Variants in SEC14L1 observed in about 807,000 individuals in gnomAD.
The protein encoded by SEC14L1 is SEC14 like lipid binding 1.
In SEC14L1, 48 loss-of-function variants were observed where a neutral mutation model predicts 85.3. The observed-to-expected ratio is 0.56, with a 90% confidence interval of 0.45 to 0.72. The LOEUF is 0.72. Among genes scored for constraint, SEC14L1 ranks in the 30% least tolerant of loss-of-function variants. The pLI, the probability that SEC14L1 is intolerant of heterozygous loss-of-function variation, is 0.00. For synonymous variants in SEC14L1, 391 were observed against 355.5 expected, an observed-to-expected ratio of 1.10 and a Z score of -1.12; for missense variants, 682 against 921.4, an observed-to-expected ratio of 0.74 and a Z score of 3.36.
chr17:77,091,277 G>A (rs571690418), intron 2 of SEC14L1, among the ~76,000 whole-genome samples: 64 of 152,098 alleles, frequency 4.2e-4, no homozygotes, highest in South Asian at 1.5e-3. Context: ...TAGTAGAGAC[G>A]GGGTTTCATC....
intron 3 of SEC14L1, among the ~76,000 whole-genome samples, chr17:77,097,295 G>T (rs970960095): frequency 3.9e-5 from 6 of 152,222 alleles, no homozygotes; most frequent in African/African-American, 1.4e-4. Flanking sequence ...GCCGGGCACG[G>T]TGGCTCACGC....
chr17:77,200,027 G>A (rs909184039), intron 8 of SEC14L1, among the ~76,000 whole-genome samples: 9 of 152,190 alleles, frequency 5.9e-5, no homozygotes, highest in Admixed American at 4.6e-4. Flanking sequence ...TGAGCTGGGC[G>A]TGGTGGCGTG....
At chr17:77,116,069 C>T (rs972415222) in intron 3 of SEC14L1, among the ~76,000 whole-genome samples, 4 of 152,122 alleles carry the variant, frequency 2.6e-5, no homozygotes, top group African/African-American at 9.6e-5. Flanking sequence ...CAGGTGCACA[C>T]CACCAGGTTC....
At chr17:77,128,389 CATTTT>C (rs144559197) in intron 3 of SEC14L1, among the ~76,000 whole-genome samples, 10,819 of 129,254 alleles carry the variant, frequency 0.084, 760 homozygotes, top group East Asian at 0.35. Flanking sequence ...CACACTTGAG[CATTTT>C]ATTTTATTTT....
intron 3 of SEC14L1, among the ~76,000 whole-genome samples, chr17:77,164,968 A>G (rs971139644): frequency 6.6e-6 from 1 of 152,310 alleles, no homozygotes. Flanking sequence ...TTCCAAGTAG[A>G]TCGTGTTTCC....
At position 77,213,741 on chromosome 17, in the gene SEC14L1, C is replaced by T; in HGVS notation, c.2043-177C>T. The T allele has an allele frequency of 1.1e-6, 1 of 901,976 alleles. No homozygotes were observed. The highest frequency in any genetic ancestry group is 1.8e-6 in the Non-Finnish European group (1 of 565,410). 55.9% of individuals were successfully genotyped at this position (901,976 alleles called of 1,614,324 possible). A position where few individuals can be genotyped will look rare whatever the true frequency, so the allele number is the denominator to read the frequency against. ...GCTCACACTGCCGTCTGCGTGCAGGCTGTGGGAAGCCGGTCCCCCTGGTGG... is the reference window on the plus strand; with the variant it reads ...GCTCACACTGCCGTCTGCGTGCAGGTTGTGGGAAGCCGGTCCCCCTGGTGG... On this transcript the variant is annotated intron_variant, in intron 16 of 16. Transcript: ENST00000436233. This position sits in a 1 kb window ranked among gnomAD's most constrained non-coding sequence, Gnocchi z 7.1.
At chr17:77,147,756 C>T (rs1462487084) in intron 3 of SEC14L1, among the ~76,000 whole-genome samples, 1 of 152,188 alleles carries the variant, frequency 6.6e-6, no homozygotes, top group Non-Finnish European at 1.5e-5. Flanking sequence ...GGAAGGCGCA[C>T]CAGGGAACCT....
chr17:77,200,461 G>T, intron 8 of SEC14L1, 23 bp from the exon 9 acceptor site: 1 of 1,604,242 alleles, frequency 6.2e-7, no homozygotes, highest in Non-Finnish European at 8.5e-7. Context: ...ACATTGCTTA[G>T]AAATGTCTTT....
At chr17:77,141,447 G>C (rs929192901) in intron 1 of SEC14L1, 2 of 151,334 alleles carry the variant, frequency 1.3e-5, no homozygotes, top group South Asian at 4.2e-4. Flanking sequence ...CCCGTCGGTC[G>C]GGGCTTTGGC....
chr17:77,179,986 G>A (rs894567019), intron 3 of SEC14L1, among the ~76,000 whole-genome samples: 13 of 149,388 alleles, frequency 8.7e-5, no homozygotes, highest in Non-Finnish European at 1.9e-4. Context: ...CTACGTATTT[G>A]TTTTTAGGTT....
chr17:77,091,236 C>T (rs1045387868), intron 2 of SEC14L1, among the ~76,000 whole-genome samples: 3 of 151,894 alleles, frequency 2.0e-5, no homozygotes, highest in Non-Finnish European at 4.4e-5. Context: ...TACAGGCGCA[C>T]GCCACCATGC....
At chr17:77,191,716 T>A (rs1197261922) in intron 5 of SEC14L1, among the ~76,000 whole-genome samples, 2 of 151,956 alleles carry the variant, frequency 1.3e-5, no homozygotes, top group African/African-American at 4.8e-5. Context: ...CTGATTTTTG[T>A]ATTTTTAGTA....
At chr17:77,131,289 G>A (rs988531074) in intron 3 of SEC14L1, among the ~76,000 whole-genome samples, 1 of 152,020 alleles carries the variant, frequency 6.6e-6, no homozygotes, top group African/African-American at 2.4e-5. Context: ...CTTTTTTTGA[G>A]ATGGAGTTTC....
rs770560032 is a variant in SEC14L1 at position 77,193,578 on chromosome 17, A to AG, written c.474+32dup. The AG allele has an allele frequency of 3.3e-5, 52 of 1,595,316 alleles. No individual in the cohort carries two copies. The African/African-American group carries it at 6.3e-4, about 19-fold the overall frequency. ...AGTGTATCTTGGGATTTTGTGGCAGAGGGTGGGCAGGAGTCTCTGAGATGA... is the reference window on the plus strand; with the variant it reads ...AGTGTATCTTGGGATTTTGTGGCAGAGGGGTGGGCAGGAGTCTCTGAGATGA... On this transcript the variant is annotated intron_variant, in intron 6 of 16. Coordinates refer to ENST00000436233, the MANE Select transcript of SEC14L1 (RefSeq NM_001143998.2).
intron 5 of SEC14L1, among the ~76,000 whole-genome samples, chr17:77,192,500 A>G (rs561227876): frequency 1.1e-4 from 16 of 152,276 alleles, no homozygotes; most frequent in Non-Finnish European, 2.1e-4. Flanking sequence ...GCTGTCATGC[A>G]GTGGGCCTCC....
intron 9 of SEC14L1, among the ~76,000 whole-genome samples, chr17:77,202,941 A>AT (rs1273271648): frequency 2.0e-5 from 3 of 151,310 alleles, no homozygotes; most frequent in Non-Finnish European, 4.4e-5. Flanking sequence ...AAAAATAAAA[A>AT]AAAAAAAAAA....
At chr17:77,159,642 G>A (rs148450112) in intron 3 of SEC14L1, among the ~76,000 whole-genome samples, 3,322 of 152,122 alleles carry the variant, frequency 0.022, 52 homozygotes, top group South Asian at 0.034. Flanking sequence ...GCCTCCCAAA[G>A]TGCTGGGATT....
Position 77,214,993 on chromosome 17 carries a change from A to G in SEC14L1, c.*970A>G. 2 of 985,412 alleles carry G rather than the reference A, an allele frequency of 2.0e-6. No individual in the cohort carries two copies. Among genetic ancestry groups the G allele is most frequent in the Non-Finnish European group, 2.4e-6 (2 of 829,988 alleles). 61.0% of individuals were successfully genotyped at this position (985,412 alleles called of 1,614,324 possible). ...TTAGTAGCTAAGCAGCAGCTCTCGC[A>G]TCCACTTCAGGGTGGCGTGTGGCAT... On this transcript the variant is annotated 3_prime_UTR_variant, in exon 17 of 17. Coordinates refer to ENST00000436233, the MANE Select transcript of SEC14L1 (RefSeq NM_001143998.2).
At chr17:77,097,133 C>T (rs1971666153) in intron 3 of SEC14L1, among the ~76,000 whole-genome samples, 1 of 152,224 alleles carries the variant, frequency 6.6e-6, no homozygotes, top group Non-Finnish European at 1.5e-5. Context: ...CCAGTGTTAA[C>T]ACGTACCAGT....
Sources: allele counts gnomAD v4.1 joint callset (sites outside exome capture counted in the v4.1 genomes callset), GRCh38; gene constraint gnomAD v4.1.1; non-coding constraint Gnocchi (gnomAD v3.1); transcripts MANE v1.5; gene names NCBI Gene and HGNC (gene_info 2026-07-23, HGNC 2026-07-21).